Variants in KIF3B observed in about 807,000 individuals in gnomAD.
KIF3B encodes the protein kinesin-like protein KIF3B.
A neutral mutation model predicts 74.3 loss-of-function variants in KIF3B; 38 were observed. The ratio of observed to expected loss-of-function variants is 0.51; its 90% CI spans 0.39 to 0.67. The LOEUF (loss-of-function observed/expected upper bound fraction) is 0.67. Ranked by LOEUF, KIF3B falls within the 30% of genes least tolerant of loss-of-function variation. KIF3B has a pLI of 0.00. For synonymous variants in KIF3B, 326 were observed against 342.5 expected, an observed-to-expected ratio of 0.95 and a Z score of 0.53; for missense variants, 649 against 932.0, an observed-to-expected ratio of 0.70 and a Z score of 3.95.
intron 8 of KIF3B, 113 bp downstream of exon 8, chr20:32,330,432 G>A (rs2122721577): frequency 1.1e-6 from 1 of 879,056 alleles, no homozygotes; most frequent in East Asian, 2.6e-5. Flanking sequence ...AGAAAATATT[G>A]CCATATTACT....
intron 1 of KIF3B, among the ~76,000 whole-genome samples, chr20:32,294,340 T>C (rs2047706790): frequency 6.6e-6 from 1 of 152,114 alleles, no homozygotes; most frequent in South Asian, 2.1e-4. Context: ...GACTGTGACG[T>C]TTTTAGGTTT....
At chr20:32,325,133 A>G (rs1197613939) in intron 5 of KIF3B, among the ~76,000 whole-genome samples, 1 of 152,146 alleles carries the variant, frequency 6.6e-6, no homozygotes, top group Non-Finnish European at 1.5e-5. Context: ...ACATAATAAT[A>G]ATAGTTATCT....
At chr20:32,315,881 C>G (rs2047824799) in intron 2 of KIF3B, among the ~76,000 whole-genome samples, 1 of 152,070 alleles carries the variant, frequency 6.6e-6, no homozygotes, top group Admixed American at 6.6e-5. Context: ...TTCACACTCA[C>G]ATTGCATCCC....
At chr20:32,325,322 G>A (rs983793444) in intron 5 of KIF3B, among the ~76,000 whole-genome samples, 10 of 152,002 alleles carry the variant, frequency 6.6e-5, no homozygotes, top group African/African-American at 2.4e-4. Flanking sequence ...CCAAGTAGCT[G>A]GGATTACAGG....
chr20:32,293,369 C>G (rs551877694), intron 1 of KIF3B, among the ~76,000 whole-genome samples: 1 of 151,354 alleles, frequency 6.6e-6, no homozygotes, highest in Non-Finnish European at 1.5e-5. Flanking sequence ...GGCTGAGAGA[C>G]GGAAGGATCA....
intron 8 of KIF3B, among the ~76,000 whole-genome samples, chr20:32,330,898 G>A (rs559244114): frequency 6.6e-6 from 1 of 152,290 alleles, no homozygotes; most frequent in South Asian, 2.1e-4. Flanking sequence ...AAAACAATTG[G>A]GTGGAAAACC....
intron 1 of KIF3B, among the ~76,000 whole-genome samples, chr20:32,293,896 T>C (rs1030569989): frequency 5.3e-5 from 8 of 152,206 alleles, no homozygotes; most frequent in African/African-American, 1.7e-4. Context: ...GGTTTATATA[T>C]GGGTTTTAAA....
At chr20:32,308,817 G>A (rs374472838) in intron 1 of KIF3B, among the ~76,000 whole-genome samples, 3 of 149,778 alleles carry the variant, frequency 2.0e-5, no homozygotes, top group African/African-American at 5.0e-5. Flanking sequence ...CCAGGTTCAC[G>A]CCATTCTCCT....
chr20:32,323,427 G>A (rs896179222), intron 5 of KIF3B, among the ~76,000 whole-genome samples: 1 of 151,604 alleles, frequency 6.6e-6, no homozygotes, highest in African/African-American at 2.4e-5. Context: ...TTGAGACAGA[G>A]TCTCACTTTG....
At chr20:32,306,190 C>T (rs1029829334) in intron 1 of KIF3B, among the ~76,000 whole-genome samples, 3 of 151,390 alleles carry the variant, frequency 2.0e-5, no homozygotes, top group African/African-American at 7.3e-5. Flanking sequence ...GTCAGGAGAT[C>T]GAGACCATCC....
rs754391593 is a variant in KIF3B at position 32,310,759 on chromosome 20, C to T, written c.982C>T (p.Leu328=). ...GPASYNVEET[L]TTLRYANRAK... ...TGCCTCTTACAACGTAGAAGAGACTCTGACCACTCTGCGATATGCCAACCG... is the reference window on the plus strand; with the variant it reads ...TGCCTCTTACAACGTAGAAGAGACTTTGACCACTCTGCGATATGCCAACCG... The change falls in exon 2 of 9, where the codon CTG becomes TTG. Residue 328 remains leucine (L), a synonymous_variant. Coordinates refer to ENST00000375712, the MANE Select transcript of KIF3B (RefSeq NM_004798.4). This position sits in a 1 kb window ranked among gnomAD's most constrained non-coding sequence, Gnocchi z 6.5. 7 of 1,614,166 alleles carry T rather than the reference C, an allele frequency of 4.3e-6. No individual in the cohort carries two copies. In the Admixed American group the frequency reaches 1.2e-4, roughly 27 times the overall value.
chr20:32,323,612 C>T (rs1180812326), intron 5 of KIF3B, among the ~76,000 whole-genome samples: 5 of 152,086 alleles, frequency 3.3e-5, no homozygotes, highest in Admixed American at 2.6e-4. Flanking sequence ...AGCATGGTGG[C>T]TCGTACCTGT....
At position 32,332,379 on chromosome 20, in the gene KIF3B, T is replaced by G. The variant is rs1339292005; in HGVS notation, c.*1060T>G. 1 of 152,262 alleles carries G rather than the reference T, an allele frequency of 6.6e-6. No homozygotes were observed. 9.4% of individuals were successfully genotyped at this position (152,262 alleles called of 1,614,324 possible). The stretch of plus-strand genomic sequence containing the variant: ...GATGGAGACATGAGACTCAGTGCAG[T>G]GGGCAGGGAAGACATAACAGATGGA... On this transcript the variant is annotated 3_prime_UTR_variant, in exon 9 of 9. Coordinates refer to ENST00000375712, the MANE Select transcript of KIF3B (RefSeq NM_004798.4).
At chr20:32,319,791 G>A (rs1294214452) in intron 5 of KIF3B, among the ~76,000 whole-genome samples, 2 of 151,258 alleles carry the variant, frequency 1.3e-5, no homozygotes, top group East Asian at 3.9e-4. Flanking sequence ...TCACCATGTT[G>A]CCCAGGCTGG....
intron 1 of KIF3B, among the ~76,000 whole-genome samples, chr20:32,288,433 T>C (rs1432880471): frequency 6.6e-6 from 1 of 152,152 alleles, no homozygotes; most frequent in Non-Finnish European, 1.5e-5. Context: ...CAGTGAGCCA[T>C]GATTGCGCTA....
intron 1 of KIF3B, among the ~76,000 whole-genome samples, chr20:32,286,743 T>C (rs192323047): frequency 6.6e-6 from 1 of 152,338 alleles, no homozygotes; most frequent in African/African-American, 2.4e-5. Context: ...TCTCATAGGC[T>C]TGCAGTTCTC....
intron 1 of KIF3B, among the ~76,000 whole-genome samples, chr20:32,298,459 A>C (rs1361667446): frequency 6.6e-6 from 1 of 152,202 alleles, no homozygotes; most frequent in East Asian, 1.9e-4. Flanking sequence ...AATTCAGAGA[A>C]TAATATAAGA....
intron 1 of KIF3B, among the ~76,000 whole-genome samples, chr20:32,300,923 TG>T (rs1160556733): frequency 6.6e-6 from 1 of 152,002 alleles, no homozygotes; most frequent in Non-Finnish European, 1.5e-5. Context: ...TGGAGTGCAG[TG>T]GTGCAATCAT....
intron 1 of KIF3B, among the ~76,000 whole-genome samples, chr20:32,282,280 G>A (rs2047646776): frequency 6.6e-6 from 1 of 152,074 alleles, no homozygotes; most frequent in African/African-American, 2.4e-5. Flanking sequence ...GCGGGATGAG[G>A]GTGAGAGAAT....
Sources: gnomAD v4.1 joint callset for allele counts (sites outside exome capture counted in the v4.1 genomes callset) on GRCh38, gnomAD v4.1.1 for gene constraint, Gnocchi (gnomAD v3.1) non-coding constraint, MANE v1.5 for transcripts, NCBI Gene and HGNC (gene_info 2026-07-23, HGNC 2026-07-21) for gene names.